Variants in BACE2 observed in about 807,000 individuals in gnomAD.
BACE2 encodes beta-secretase 2, also known as 56 kDa aspartic-like protease.
In BACE2, 17 loss-of-function variants were observed where a neutral mutation model predicts 46.2. That is an observed-to-expected ratio of 0.37 (90% CI 0.25 to 0.55). The LOEUF is 0.55. Ranked by LOEUF, BACE2 falls within the 20% of genes least tolerant of loss-of-function variation. The probability of loss-of-function intolerance (pLI) is 0.82; values close to 1 mark genes in which losing one functional copy is unlikely to be tolerated. For missense variants in BACE2, 595 were observed against 698.1 expected (o/e 0.85, Z 1.66); for synonymous variants, 277 against 295.9 (o/e 0.94, Z 0.66).
Position 41,275,629 on chromosome 21 carries a change from C to T in BACE2, c.*5C>T. ...GTCAGACATCGCTGGAAATGAATAG[C>T]CAGGCCTGACCTCAAGCAACCATGA... On this transcript the variant is annotated 3_prime_UTR_variant, in exon 9 of 9. Transcript: ENST00000330333. 1.2e-6 allele frequency: 2 copies of T among 1,612,866 alleles called. No individual in the cohort carries two copies. Among genetic ancestry groups the T allele is most frequent in the Non-Finnish European group, 1.7e-6 (2 of 1,179,302 alleles).
At chr21:41,245,756 T>C (rs1953546269) in intron 5 of BACE2, among the ~76,000 whole-genome samples, 1 of 152,216 alleles carries the variant, frequency 6.6e-6, no homozygotes, top group Non-Finnish European at 1.5e-5. Flanking sequence ...CTGGGTCCAT[T>C]TCCTTGTCTC....
chr21:41,227,708 G>A (rs1238588192), intron 2 of BACE2, among the ~76,000 whole-genome samples: 1 of 152,210 alleles, frequency 6.6e-6, no homozygotes, highest in Non-Finnish European at 1.5e-5. Flanking sequence ...GGCTTCATGT[G>A]TTGGTAAGCT....
At chr21:41,240,495 GAGCGGCTCCA>G (rs1601298054) in intron 3 of BACE2, among the ~76,000 whole-genome samples, 1 of 152,216 alleles carries the variant, frequency 6.6e-6, no homozygotes, top group African/African-American at 2.4e-5. Flanking sequence ...TTAAGCCCCA[GAGCGGCTCCA>G]GGCAGCTGCC....
intron 1 of BACE2, among the ~76,000 whole-genome samples, chr21:41,202,605 T>C (rs757661174): frequency 6.6e-6 from 1 of 152,154 alleles, no homozygotes; most frequent in Non-Finnish European, 1.5e-5. Context: ...ACAAATGCTA[T>C]GGAATTAAAC....
At chr21:41,182,877 A>T (rs1985190568) in intron 1 of BACE2, 1 of 166,984 alleles carries the variant, frequency 6.0e-6, no homozygotes, top group African/African-American at 2.4e-5. Context: ...AACAAACAAA[A>T]AATACATTTT....
Position 41,279,667 on chromosome 21 carries a change from C to T in BACE2, c.*4043C>T, listed in dbSNP as rs1158500952. The T allele has an allele frequency of 6.6e-6, 1 of 152,222 alleles. No homozygotes were observed. The highest frequency in any genetic ancestry group is 1.5e-5 in the Non-Finnish European group (1 of 68,052). The allele number at this position is 152,222 out of a possible 1,614,324, so 9.4% of individuals were successfully genotyped here. On this transcript the variant is annotated 3_prime_UTR_variant, in exon 9 of 9. Transcript: ENST00000330333. Reference sequence around the variant, plus strand: ...TCTTTTCCCCTTAAAGTGGCTGAATCCATTGGAGATGTGATTTATTTTGCA... The same window carrying T: ...TCTTTTCCCCTTAAAGTGGCTGAATTCATTGGAGATGTGATTTATTTTGCA...
chr21:41,262,733 A>G (rs1242410944), intron 8 of BACE2, among the ~76,000 whole-genome samples: 1 of 152,128 alleles, frequency 6.6e-6, no homozygotes, highest in East Asian at 1.9e-4. Flanking sequence ...TCACACATAG[A>G]CTTATTCCTA....
rs537011926 is a variant in BACE2 at position 41,230,632 on chromosome 21, A to G, written c.401+4278A>G. Among the ~76,000 whole-genome samples, 30 of 152,286 alleles carry G rather than the reference A, an allele frequency of 2.0e-4. No homozygotes were observed. The South Asian group carries it at 2.1e-3, about 11-fold the overall frequency. On this transcript the variant is annotated intron_variant, in intron 2 of 8. Transcript: ENST00000330333. ...TTGTCCGCCTCTGATTCACGTCCTC[A>G]GTCTTTGGATATTCAGGTCTAATGC...
Position 41,243,369 on chromosome 21 carries a change from G to C in BACE2, c.748-7G>C. 1 of 1,589,198 alleles carries C rather than the reference G, an allele frequency of 6.3e-7. No homozygotes were observed. The highest frequency in any genetic ancestry group is 8.6e-7 in the Non-Finnish European group (1 of 1,168,524). ...TCTCTTATACCTGTAAATATTTCCT[G>C]TCCCAGGTCTTGGGTGGAATTGAAC... On this transcript the variant is annotated splice_region_variant and splice_polypyrimidine_tract_variant and intron_variant, in intron 4 of 8. Coordinates refer to ENST00000330333, the MANE Select transcript of BACE2 (RefSeq NM_012105.5).
In BACE2 at chr21:41,209,084, G is replaced by C. The variant is rs554276424; in HGVS notation, c.313-17182G>C. ...GCGGTTATGTCCACCCTGGGTTGCA[G>C]CCCATGTGCACCCTGGGAGGACTGC... On this transcript the variant is annotated intron_variant, in intron 1 of 8. Transcript: ENST00000330333. Among the ~76,000 whole-genome samples the C allele has an allele frequency of 9.2e-5, 14 of 152,346 alleles. No homozygotes were observed. The South Asian group carries it at 2.9e-3, about 32-fold the overall frequency.
intron 2 of BACE2, among the ~76,000 whole-genome samples, chr21:41,229,166 C>T (rs1334125289): frequency 6.6e-6 from 1 of 152,196 alleles, no homozygotes; most frequent in Non-Finnish European, 1.5e-5. Context: ...CCTGATAGTC[C>T]CAGCCCTGTG....
At chr21:41,248,716 G>A (rs1365922394) in intron 6 of BACE2, among the ~76,000 whole-genome samples, 3 of 152,222 alleles carry the variant, frequency 2.0e-5, no homozygotes, top group South Asian at 2.1e-4. Context: ...CCAGCTGCAC[G>A]CCCTGGTGAG....
At chr21:41,241,165 T>C (rs1987275711) in intron 3 of BACE2, among the ~76,000 whole-genome samples, 1 of 152,174 alleles carries the variant, frequency 6.6e-6, no homozygotes, top group African/African-American at 2.4e-5. Flanking sequence ...AATGAGGGCA[T>C]CCTCTGTATG....
intron 1 of BACE2, among the ~76,000 whole-genome samples, chr21:41,217,159 G>A (rs1347281628): frequency 4.6e-5 from 7 of 152,170 alleles, no homozygotes; most frequent in Non-Finnish European, 8.8e-5. Context: ...CTTGAACTCT[G>A]ACCTCGTGAT....
intron 8 of BACE2, among the ~76,000 whole-genome samples, chr21:41,257,960 C>G (rs998125798): frequency 6.6e-6 from 1 of 152,132 alleles, no homozygotes; most frequent in Non-Finnish European, 1.5e-5. Context: ...AAACGGAGTG[C>G]TCACACCACA....
chr21:41,259,010 G>A (rs116159575), intron 8 of BACE2, among the ~76,000 whole-genome samples: 2,329 of 152,180 alleles, frequency 0.015, 73 homozygotes, highest in African/African-American at 0.053. Flanking sequence ...AAGAACTTAG[G>A]CAATTTTGTC....
At chr21:41,245,407 G>C (rs1488124766) in intron 5 of BACE2, among the ~76,000 whole-genome samples, 1 of 152,224 alleles carries the variant, frequency 6.6e-6, no homozygotes, top group Admixed American at 6.5e-5. Context: ...GCCACATGAA[G>C]AACATTGCAG....
At chr21:41,253,303 T>A (rs948353829) in intron 7 of BACE2, among the ~76,000 whole-genome samples, 1 of 151,840 alleles carries the variant, frequency 6.6e-6, no homozygotes, top group Non-Finnish European at 1.5e-5. Flanking sequence ...TTAGCTGGGC[T>A]TGGTGGCGGG....
intron 7 of BACE2, chr21:41,252,454 T>A (rs1987668432): frequency 6.6e-6 from 1 of 152,266 alleles, no homozygotes; most frequent in Admixed American, 6.5e-5. Flanking sequence ...AACCCATTTG[T>A]GAGGTTGCAC....
Sources: allele counts gnomAD v4.1 joint callset (sites outside exome capture counted in the v4.1 genomes callset), GRCh38; gene constraint gnomAD v4.1.1; transcripts MANE v1.5; gene names NCBI Gene and HGNC (gene_info 2026-07-23, HGNC 2026-07-21).